Variants in ALKBH8 observed in about 807,000 individuals in gnomAD.
ALKBH8 encodes the protein alkB homolog 8, tRNA methyltransferase, also known as tRNA (carboxymethyluridine(34)-5-O)-methyltransferase ALKBH8.
A neutral mutation model predicts 59.8 loss-of-function variants in ALKBH8; 36 were observed. That is an observed-to-expected ratio of 0.60 (90% CI 0.46 to 0.79). The LOEUF (loss-of-function observed/expected upper bound fraction) is 0.79. ALKBH8 is among the 30% of genes least tolerant of loss of function. The pLI, the probability that ALKBH8 is intolerant of heterozygous loss-of-function variation, is 0.00. For missense variants in ALKBH8, 768 were observed against 801.0 expected (o/e 0.96, Z 0.50); for synonymous variants, 276 against 273.6 (o/e 1.01, Z -0.09).
intron 11 of ALKBH8, among the ~76,000 whole-genome samples, chr11:107,509,586 G>A (rs1862538412): frequency 4.6e-5 from 7 of 152,100 alleles, no homozygotes; most frequent in Admixed American, 4.6e-4. Context: ...ACAACGTCAT[G>A]AAGGTTTTCC....
intron 10 of ALKBH8, 120 bp downstream of exon 10, chr11:107,522,179 A>G (rs933122123): frequency 6.7e-6 from 8 of 1,193,132 alleles, no homozygotes; most frequent in Admixed American, 5.9e-5. Flanking sequence ...TTAATTTTCA[A>G]TCTGTTGGTT....
In ALKBH8 at chr11:107,557,545, T is replaced by C. The variant is rs537910170; in HGVS notation, c.130-542A>G. Among the ~76,000 whole-genome samples, 6 of 152,310 alleles carry C rather than the reference T, an allele frequency of 3.9e-5. No homozygotes were observed. The South Asian group carries it at 1.2e-3, about 32-fold the overall frequency. On this transcript the variant is annotated intron_variant, in intron 2 of 11. Coordinates refer to ENST00000428149, the MANE Select transcript of ALKBH8 (RefSeq NM_138775.3). ...TCTGTCCGTTTCCAGGATCCGCACT[T>C]TTAATATAACCATTATACAATGTTT...
intron 2 of ALKBH8, among the ~76,000 whole-genome samples, chr11:107,559,146 C>G (rs1031365394): frequency 6.6e-6 from 1 of 152,162 alleles, no homozygotes; most frequent in Non-Finnish European, 1.5e-5. Context: ...GCCATGTAAG[C>G]CAGGACTTTC....
chr11:107,520,849 G>T (rs1382391507), intron 10 of ALKBH8, among the ~76,000 whole-genome samples: 1 of 152,010 alleles, frequency 6.6e-6, no homozygotes, highest in East Asian at 1.9e-4. Flanking sequence ...GAATCTATGA[G>T]TTGCACATCC....
chr11:107,544,381 TAA>T (rs1475948576), intron 7 of ALKBH8, among the ~76,000 whole-genome samples: 2 of 152,146 alleles, frequency 1.3e-5, no homozygotes, highest in Non-Finnish European at 2.9e-5. Context: ...AGAAAAAAGA[TAA>T]AGAGTGCCTG....
chr11:107,537,058 G>C (rs1028909807), intron 7 of ALKBH8, among the ~76,000 whole-genome samples: 37 of 152,180 alleles, frequency 2.4e-4, no homozygotes, highest in African/African-American at 8.4e-4. Flanking sequence ...AAATCACATA[G>C]GGTTTCAGCC....
intron 10 of ALKBH8, among the ~76,000 whole-genome samples, chr11:107,521,926 T>C (rs1443440325): frequency 2.6e-5 from 4 of 152,186 alleles, no homozygotes; most frequent in Non-Finnish European, 5.9e-5. Flanking sequence ...TGAGCCCCAA[T>C]TTCTTCATTT....
intron 11 of ALKBH8, among the ~76,000 whole-genome samples, chr11:107,509,629 G>A (rs1322969680): frequency 6.6e-6 from 1 of 152,014 alleles, no homozygotes; most frequent in African/African-American, 2.4e-5. Context: ...TATAGTTTTA[G>A]CTCTTCTGTA....
chr11:107,556,181 G>A (rs779925566), intron 3 of ALKBH8, among the ~76,000 whole-genome samples: 1 of 152,212 alleles, frequency 6.6e-6, no homozygotes, highest in Non-Finnish European at 1.5e-5. Context: ...AGGAGGCTGA[G>A]GCAGGAGAAT....
At chr11:107,529,508 A>C (rs11605733) in intron 8 of ALKBH8, among the ~76,000 whole-genome samples, 30,232 of 150,244 alleles carry the variant, frequency 0.2, 3,742 homozygotes, top group South Asian at 0.37. Context: ...TCCATCTCCT[A>C]CTTCTTTTTT....
intron 11 of ALKBH8, among the ~76,000 whole-genome samples, chr11:107,507,963 T>C (rs1862460337): frequency 6.6e-6 from 1 of 152,160 alleles, no homozygotes; most frequent in South Asian, 2.1e-4. Context: ...CATCAAGGTA[T>C]TCCCATGTGT....
chr11:107,524,344 A>G (rs1430791980), intron 9 of ALKBH8, among the ~76,000 whole-genome samples: 1 of 152,152 alleles, frequency 6.6e-6, no homozygotes, highest in Non-Finnish European at 1.5e-5. Context: ...GATTACAGGC[A>G]TGAGCCACTG....
At chr11:107,562,035 T>G (rs1864956783) in intron 1 of ALKBH8, among the ~76,000 whole-genome samples, 1 of 152,168 alleles carries the variant, frequency 6.6e-6, no homozygotes, top group Non-Finnish European at 1.5e-5. Flanking sequence ...CTGGGAGCAG[T>G]GACTCACACC....
chr11:107,517,960 G>T (rs1425762090), intron 10 of ALKBH8, among the ~76,000 whole-genome samples: 1 of 152,076 alleles, frequency 6.6e-6, no homozygotes, highest in African/African-American at 2.4e-5. Flanking sequence ...ATGTTAATTT[G>T]CTAGATTTTG....
At chr11:107,534,086 C>T (rs963840313) in intron 7 of ALKBH8, among the ~76,000 whole-genome samples, 51 of 152,094 alleles carry the variant, frequency 3.4e-4, no homozygotes, top group African/African-American at 1.2e-3. Context: ...GCTGAGTTCA[C>T]GCCACTACAC....
intron 7 of ALKBH8, among the ~76,000 whole-genome samples, chr11:107,539,103 A>C (rs1236230627): frequency 6.6e-6 from 1 of 152,262 alleles, no homozygotes; most frequent in Non-Finnish European, 1.5e-5. Flanking sequence ...GCAAAGAGGA[A>C]ATTCCACAAA....
intron 2 of ALKBH8, among the ~76,000 whole-genome samples, chr11:107,559,889 G>C (rs988752377): frequency 7.2e-5 from 11 of 152,006 alleles, no homozygotes; most frequent in African/African-American, 2.4e-4. Context: ...TTTAATCCCT[G>C]CTCCACCTTC....
At chr11:107,523,375 T>A (rs753302678) in intron 9 of ALKBH8, among the ~76,000 whole-genome samples, 3 of 151,916 alleles carry the variant, frequency 2.0e-5, no homozygotes, top group Non-Finnish European at 4.4e-5. Flanking sequence ...TACTATACAA[T>A]CTCACTCATA....
intron 6 of ALKBH8, among the ~76,000 whole-genome samples, chr11:107,551,371 A>C (rs1338318153): frequency 1.3e-5 from 2 of 152,232 alleles, no homozygotes; most frequent in Non-Finnish European, 2.9e-5. Context: ...AAGCAAGGCA[A>C]TCTGACAGTT....
Sources: allele counts gnomAD v4.1 joint callset (sites outside exome capture counted in the v4.1 genomes callset), GRCh38; gene constraint gnomAD v4.1.1; transcripts MANE v1.5; gene names NCBI Gene and HGNC (gene_info 2026-07-23, HGNC 2026-07-21).